GPC5: variants seen among roughly 807,000 people sequenced by gnomAD.
The protein encoded by GPC5 is glypican-5.
In GPC5, 47 loss-of-function variants were observed where a neutral mutation model predicts 53.9. That is an observed-to-expected ratio of 0.87 (90% CI 0.69 to 1.11). The LOEUF is 1.11. Ranked by LOEUF, GPC5 falls within the 50% of genes most tolerant of loss-of-function variation. The pLI is 0.00. For missense variants in GPC5, 748 were observed against 713.1 expected (o/e 1.05, Z -0.56); for synonymous variants, 286 against 263.3 (o/e 1.09, Z -0.84).
At chr13:91,581,633 A>G (rs1288846965) in intron 2 of GPC5, among the ~76,000 whole-genome samples, 1 of 152,240 alleles carries the variant, frequency 6.6e-6, no homozygotes. Flanking sequence ...TTGCTTGTGC[A>G]TAAAATATTT....
chr13:92,006,439 G>T (rs2040607388), intron 6 of GPC5, among the ~76,000 whole-genome samples: 1 of 152,104 alleles, frequency 6.6e-6, no homozygotes, highest in Admixed American at 6.5e-5. Flanking sequence ...CTAAGAAATT[G>T]TGTGTTTTAA....
At chr13:92,043,088 A>T (rs1030469476) in intron 6 of GPC5, among the ~76,000 whole-genome samples, 1 of 152,194 alleles carries the variant, frequency 6.6e-6, no homozygotes, top group Non-Finnish European at 1.5e-5. Context: ...AGAAGAAAAA[A>T]CTATGAAGGA....
intron 1 of GPC5, among the ~76,000 whole-genome samples, chr13:91,407,648 C>A (rs181980972): frequency 6.6e-6 from 1 of 152,236 alleles, no homozygotes. Context: ...CTGTGTTTCA[C>A]CCTTGTTAAT....
In GPC5 at chr13:91,721,064, C is replaced by CCTTTCTTT. The variant is rs746835528; in HGVS notation, c.1021-7399_1021-7392dup. ...GTCCATTTTCTTTCTTCCTTCCTTC[C>CCTTTCTTT]CTTTCTTTCTTTCTTTCTTTCTTTC... On this transcript the variant is annotated intron_variant, in intron 3 of 7. Coordinates refer to ENST00000377067, the MANE Select transcript of GPC5 (RefSeq NM_004466.6). Among the ~76,000 whole-genome samples the CCTTTCTTT allele has an allele frequency of 1.5e-3, 178 of 122,338 alleles. 1 individual carries two copies. The highest frequency in any genetic ancestry group is 4.7e-3 in the East Asian group (19 of 4,026). 80.3% of individuals were successfully genotyped at this position (122,338 alleles called of 152,430 possible). A position where few individuals can be genotyped will look rare whatever the true frequency, so the allele number is the denominator to read the frequency against.
At chr13:92,590,679 C>T (rs975096715) in intron 7 of GPC5, among the ~76,000 whole-genome samples, 2 of 152,158 alleles carry the variant, frequency 1.3e-5, no homozygotes. Context: ...AGATCTCAGC[C>T]CACGTTGTTA....
At chr13:91,756,222 C>A in intron 4 of GPC5, 73 bp from the exon 5 acceptor site, 1 of 1,079,800 alleles carries the variant, frequency 9.3e-7, no homozygotes, top group Non-Finnish European at 1.3e-6. Flanking sequence ...TTATGTATAA[C>A]AATACATATC....
At chr13:92,857,831 C>A (rs1879052675) in intron 7 of GPC5, among the ~76,000 whole-genome samples, 1 of 151,986 alleles carries the variant, frequency 6.6e-6, no homozygotes, top group Admixed American at 6.6e-5. Flanking sequence ...CAGATGCTGG[C>A]AAGGCTGGGA....
At chr13:91,854,976 A>G in intron 5 of GPC5, among the ~76,000 whole-genome samples, 1 of 151,666 alleles carries the variant, frequency 6.6e-6, no homozygotes, top group East Asian at 1.9e-4. Flanking sequence ...TCACTATTTT[A>G]TGTTGCCTGG....
At chr13:92,614,498 A>G (rs1318886489) in intron 7 of GPC5, among the ~76,000 whole-genome samples, 10 of 152,198 alleles carry the variant, frequency 6.6e-5, no homozygotes, top group Non-Finnish European at 1.2e-4. Flanking sequence ...AAGTCAAAAA[A>G]TCCTAATTCA....
intron 2 of GPC5, among the ~76,000 whole-genome samples, chr13:91,572,357 G>A (rs115494922): frequency 0.028 from 4,193 of 151,588 alleles, 181 homozygotes; most frequent in African/African-American, 0.094. Context: ...GTATCTGTTC[G>A]TTTTGTGTTG....
intron 7 of GPC5, among the ~76,000 whole-genome samples, chr13:92,171,546 G>A (rs938931726): frequency 6.6e-6 from 1 of 151,996 alleles, no homozygotes; most frequent in Non-Finnish European, 1.5e-5. Context: ...ACTAAAAATG[G>A]TGTTGCCAGA....
At chr13:91,779,437 T>G (rs1245357414) in intron 5 of GPC5, among the ~76,000 whole-genome samples, 2 of 152,160 alleles carry the variant, frequency 1.3e-5, no homozygotes, top group Non-Finnish European at 2.9e-5. Flanking sequence ...CTTGGCTCAC[T>G]GCAACCTCCG....
intron 2 of GPC5, among the ~76,000 whole-genome samples, chr13:91,612,338 C>A (rs959345412): frequency 1.9e-4 from 29 of 152,136 alleles, no homozygotes; most frequent in Non-Finnish European, 2.9e-4. Flanking sequence ...AGTGGTTGGG[C>A]AATGTTGCAT....
intron 7 of GPC5, among the ~76,000 whole-genome samples, chr13:92,539,709 T>C (rs1881868452): frequency 6.6e-6 from 1 of 151,956 alleles, no homozygotes. Flanking sequence ...TGCCTCCTTA[T>C]AGCCTCCTTT....
intron 6 of GPC5, among the ~76,000 whole-genome samples, chr13:92,126,562 T>C (rs1409955873): frequency 1.3e-5 from 2 of 152,198 alleles, no homozygotes; most frequent in South Asian, 2.1e-4. Context: ...CTGCAGCTTA[T>C]ACGTGTAAAC....
At chr13:92,118,905 G>A (rs186114207) in intron 6 of GPC5, among the ~76,000 whole-genome samples, 8 of 152,212 alleles carry the variant, frequency 5.3e-5, no homozygotes, top group African/African-American at 1.9e-4. Context: ...CTTTCTCATT[G>A]TTTTCCTAAA....
At chr13:92,280,631 CCAGTACCT>C (rs2042907776) in intron 7 of GPC5, among the ~76,000 whole-genome samples, 1 of 152,126 alleles carries the variant, frequency 6.6e-6, no homozygotes, top group African/African-American at 2.4e-5. Flanking sequence ...TTCCTAACTT[CCAGTACCT>C]CAGAGTATGA....
chr13:91,573,476 G>C (rs2032016682), intron 2 of GPC5, among the ~76,000 whole-genome samples: 1 of 152,102 alleles, frequency 6.6e-6, no homozygotes, highest in Non-Finnish European at 1.5e-5. Flanking sequence ...TAATGAAGCT[G>C]AATATCTTTA....
chr13:92,194,397 A>G (rs2042243855), intron 7 of GPC5, among the ~76,000 whole-genome samples: 2 of 152,202 alleles, frequency 1.3e-5, no homozygotes. Flanking sequence ...GTCACTGTGG[A>G]CTAGATATTA....
Sources: allele counts gnomAD v4.1 joint callset (sites outside exome capture counted in the v4.1 genomes callset), GRCh38; gene constraint gnomAD v4.1.1; transcripts MANE v1.5; gene names NCBI Gene and HGNC (gene_info 2026-07-23, HGNC 2026-07-21).